FSTL4: variants seen among roughly 807,000 people sequenced by gnomAD.
The protein encoded by FSTL4 is follistatin like 4.
FSTL4 carries 28 observed loss-of-function variants against 78.2 expected under a neutral mutation model. That is an observed-to-expected ratio of 0.36 (90% CI 0.27 to 0.49). The LOEUF is 0.49. FSTL4 is among the 20% of genes least tolerant of loss of function. The pLI, the probability that FSTL4 is intolerant of heterozygous loss-of-function variation, is 0.98. For synonymous variants in FSTL4, 422 were observed against 440.5 expected (o/e 0.96, Z 0.53); for missense variants, 922 against 1,084.9 (o/e 0.85, Z 2.11).
intron 6 of FSTL4, among the ~76,000 whole-genome samples, chr5:133,265,493 G>A (rs1454352361): frequency 6.6e-6 from 1 of 152,178 alleles, no homozygotes; most frequent in African/African-American, 2.4e-5. Flanking sequence ...TGACTGCCCT[G>A]CACCCAGTAA....
the FSTL4 span, among the ~76,000 whole-genome samples, chr5:133,741,212 C>G: frequency 6.6e-6 from 1 of 152,160 alleles, no homozygotes. Context: ...TTCCCGGAAG[C>G]AGAACCTAAG....
chr5:133,480,295 T>G (rs983735497), intron 3 of FSTL4, among the ~76,000 whole-genome samples: 1 of 152,214 alleles, frequency 6.6e-6, no homozygotes, highest in Non-Finnish European at 1.5e-5. Flanking sequence ...GACCATAATA[T>G]TAACCTTTCA....
rs116288751 is a variant in FSTL4 at position 133,556,454 on chromosome 5, G to A, written c.160+10732C>T. 7.8e-3 allele frequency among the ~76,000 whole-genome samples: 1,183 copies of A among 152,190 alleles called. 12 individuals carry two copies. The highest frequency in any genetic ancestry group is 0.027 in the African/African-American group (1,113 of 41,518). ...TAAAAAGTGGCTCCTGGCGGGGTGC[G>A]GTGGCTCATACCTGTAATCCCAACA... On this transcript the variant is annotated intron_variant, in intron 3 of 15. Coordinates refer to ENST00000265342, the MANE Select transcript of FSTL4 (RefSeq NM_015082.2).
the FSTL4 span, among the ~76,000 whole-genome samples, chr5:133,670,209 C>A: frequency 6.6e-6 from 1 of 152,192 alleles, no homozygotes; most frequent in East Asian, 1.9e-4. Flanking sequence ...TACATAGAAA[C>A]TCCACAGTGT....
chr5:133,223,105 C>A (rs1751204192), intron 11 of FSTL4, among the ~76,000 whole-genome samples: 1 of 152,206 alleles, frequency 6.6e-6, no homozygotes. Flanking sequence ...TTTGTAGTAA[C>A]CTCCCCTAAG....
chr5:133,415,867 T>A (rs1048695412), intron 3 of FSTL4, among the ~76,000 whole-genome samples: 1 of 152,230 alleles, frequency 6.6e-6, no homozygotes, highest in Admixed American at 6.5e-5. Flanking sequence ...AACACTAGAA[T>A]GAACTCTGTG....
the FSTL4 span, among the ~76,000 whole-genome samples, chr5:133,683,757 G>C: frequency 8.2e-4 from 125 of 152,250 alleles, no homozygotes; most frequent in Non-Finnish European, 1.6e-3. Context: ...TGCTGTGTTC[G>C]GTAGGATTAA....
chr5:133,716,691 A>G, the FSTL4 span, among the ~76,000 whole-genome samples: 1 of 152,208 alleles, frequency 6.6e-6, no homozygotes, highest in East Asian at 1.9e-4. Flanking sequence ...TCATAAATTT[A>G]TACAATCATT....
At chr5:133,797,846 A>G in the FSTL4 span, among the ~76,000 whole-genome samples, 3 of 152,094 alleles carry the variant, frequency 2.0e-5, no homozygotes, top group South Asian at 2.1e-4. Context: ...TCCTGAGGTC[A>G]ACCAGTCCCG....
intron 6 of FSTL4, among the ~76,000 whole-genome samples, chr5:133,268,227 A>G (rs1193038020): frequency 6.6e-6 from 1 of 152,160 alleles, no homozygotes; most frequent in South Asian, 2.1e-4. Flanking sequence ...CGGAGGCTAG[A>G]TTCCCCTTCC....
chr5:133,751,119 C>T, the FSTL4 span, among the ~76,000 whole-genome samples: 1 of 152,152 alleles, frequency 6.6e-6, no homozygotes, highest in Non-Finnish European at 1.5e-5. Context: ...CCTCTCCCCC[C>T]AGCCCTCAGG....
intron 4 of FSTL4, among the ~76,000 whole-genome samples, chr5:133,324,751 G>C (rs560401194): frequency 1.3e-5 from 2 of 152,252 alleles, no homozygotes; most frequent in African/African-American, 2.4e-5. Flanking sequence ...CTTGGAGAGT[G>C]GCTACGGCCC....
chr5:133,630,634 A>G, the FSTL4 span, among the ~76,000 whole-genome samples: 1 of 152,212 alleles, frequency 6.6e-6, no homozygotes, highest in Non-Finnish European at 1.5e-5. Flanking sequence ...ACAGAATTAG[A>G]AAAACAACTA....
At chr5:133,476,163 T>G (rs1757922069) in intron 3 of FSTL4, among the ~76,000 whole-genome samples, 1 of 152,188 alleles carries the variant, frequency 6.6e-6, no homozygotes, top group African/African-American at 2.4e-5. Context: ...CACTCCCGGA[T>G]AAGAGGCTTG....
At chr5:133,690,666 G>A in the FSTL4 span, among the ~76,000 whole-genome samples, 53 of 152,170 alleles carry the variant, frequency 3.5e-4, no homozygotes, top group Non-Finnish European at 6.2e-4. Context: ...GGGCAAACAC[G>A]CAGGGGATGA....
At chr5:133,770,095 G>GGT in the FSTL4 span, among the ~76,000 whole-genome samples, 8 of 151,338 alleles carry the variant, frequency 5.3e-5, no homozygotes, top group South Asian at 2.1e-4. Flanking sequence ...TGTGTGTGTG[G>GGT]GTGTGTGTGT....
At chr5:133,764,555 C>G in the FSTL4 span, among the ~76,000 whole-genome samples, 1 of 152,050 alleles carries the variant, frequency 6.6e-6, no homozygotes, top group Non-Finnish European at 1.5e-5. Flanking sequence ...CTTTCTCCCC[C>G]AAAACAATGC....
intron 4 of FSTL4, among the ~76,000 whole-genome samples, chr5:133,375,312 A>ATATATATATATATATATATAT (rs1554109201): frequency 9.5e-4 from 128 of 134,596 alleles, no homozygotes; most frequent in Non-Finnish European, 1.3e-3. Flanking sequence ...ATATATATAT[A>ATATATATATATATATATATAT]AAAGACTCTA....
intron 3 of FSTL4, among the ~76,000 whole-genome samples, chr5:133,436,176 T>C (rs1757028208): frequency 6.6e-6 from 1 of 152,172 alleles, no homozygotes; most frequent in Non-Finnish European, 1.5e-5. Context: ...AAAATTACAA[T>C]GGTGGCCTAT....
Sources: allele counts gnomAD v4.1 joint callset (sites outside exome capture counted in the v4.1 genomes callset), GRCh38; gene constraint gnomAD v4.1.1; transcripts MANE v1.5; gene names NCBI Gene and HGNC (gene_info 2026-07-23, HGNC 2026-07-21).